The following DYNC2H1 variants were observed in gnomAD, a reference collection of about 807,000 sequenced individuals.
DYNC2H1 encodes the protein dynein cytoplasmic 2 heavy chain 1, also known as cytoplasmic dynein 2 heavy chain 1.
DYNC2H1 carries 410 observed loss-of-function variants against 570.0 expected under a neutral mutation model. The ratio of observed to expected loss-of-function variants is 0.72; its 90% CI spans 0.66 to 0.78. The LOEUF is 0.78. Among genes scored for constraint, DYNC2H1 ranks in the 30% least tolerant of loss-of-function variants. The pLI is 0.00. For missense variants in DYNC2H1, 4,865 were observed against 5,046.4 expected, an observed-to-expected ratio of 0.96 and a Z score of 1.09; for synonymous variants, 1,688 against 1,677.6, an observed-to-expected ratio of 1.01 and a Z score of -0.15.
intron 82 of DYNC2H1, among the ~76,000 whole-genome samples, chr11:103,331,560 T>C (rs768128044): frequency 5.3e-5 from 8 of 152,176 alleles, no homozygotes; most frequent in Non-Finnish European, 1.2e-4. Flanking sequence ...AAGAAAGTTA[T>C]ATGCATTTGT....
chr11:103,193,143 C>T (rs1325135442), intron 47 of DYNC2H1, among the ~76,000 whole-genome samples: 1 of 152,070 alleles, frequency 6.6e-6, no homozygotes, highest in Non-Finnish European at 1.5e-5. Flanking sequence ...TCTAGGTGCT[C>T]CTGAGTTTTT....
rs773012416 is a variant in DYNC2H1, at chr11:103,116,701, C to G, written c.753C>G (p.Leu251=). ...ATCCTGAGTCACGAATGTTGCATCT[C>G]TTAGACATCATAGGTACTAGTAAAA... is the stretch of plus-strand genomic sequence containing the variant. ...DHYPESRMLH[L]LDIIGGSFGR... The change falls in exon 5 of 89, where the codon CTC becomes CTG. Residue 251 remains leucine, a synonymous_variant. Transcript: ENST00000375735. 3 of 1,596,598 alleles carry G rather than the reference C, an allele frequency of 1.9e-6. No homozygotes were observed. The highest frequency in any genetic ancestry group is 2.6e-6 in the Non-Finnish European group (3 of 1,171,898).
At position 103,113,522 on chromosome 11, in the gene DYNC2H1, C is replaced by A; in HGVS notation, c.196-15C>A. 1.3e-6 allele frequency: 2 copies of A among 1,488,286 alleles called. No homozygotes were observed. The highest frequency in any genetic ancestry group is 3.1e-5 in the South Asian group (2 of 65,452). 92.2% of individuals were successfully genotyped at this position (1,488,286 alleles called of 1,614,324 possible). A position where few individuals can be genotyped will look rare whatever the true frequency, so the allele number is the denominator to read the frequency against. ...ATTTTATGAAGATAACATTAAAAAT[C>A]ATTTATCACTTTAGATTGAGTTTGG... On this transcript the variant is annotated splice_polypyrimidine_tract_variant and intron_variant, in intron 1 of 88. Coordinates refer to ENST00000375735, the MANE Select transcript of DYNC2H1 (RefSeq NM_001377.3).
Position 103,132,828 on chromosome 11 carries a change from T to A in DYNC2H1, c.1954-727T>A, listed in dbSNP as rs1217626670. Among the ~76,000 whole-genome samples, 32 of 152,096 alleles carry A rather than the reference T, an allele frequency of 2.1e-4. No homozygotes were observed. In the East Asian group the frequency reaches 5.4e-3, roughly 26 times the overall value. Reference sequence around the variant, plus strand: ...ACCAACTTGGAGGCACCTTGTTGCCTCCAAGCTGGGGTGTAAGCTCAGCTT... The same window carrying A: ...ACCAACTTGGAGGCACCTTGTTGCCACCAAGCTGGGGTGTAAGCTCAGCTT... On this transcript the variant is annotated intron_variant, in intron 13 of 88. Transcript: ENST00000375735.
At chr11:103,341,797 T>C (rs1939453468) in intron 82 of DYNC2H1, among the ~76,000 whole-genome samples, 1 of 152,220 alleles carries the variant, frequency 6.6e-6, no homozygotes, top group Non-Finnish European at 1.5e-5. Context: ...TTAGAAATAA[T>C]TGATTCCAAA....
chr11:103,302,461 T>C (rs1343996077), intron 75 of DYNC2H1, among the ~76,000 whole-genome samples: 1 of 152,108 alleles, frequency 6.6e-6, no homozygotes, highest in Non-Finnish European at 1.5e-5. Context: ...CAGTGCATTT[T>C]AATGATTTGC....
Position 103,260,584 on chromosome 11 carries a change from A to G in DYNC2H1, c.10695+607A>G, listed in dbSNP as rs1006281561. ...TCGGACAATATTTTAGAAATTTTAGATATTAGAAAACGCAGAGGCCTTTTT... is the reference window on the plus strand; with the variant it reads ...TCGGACAATATTTTAGAAATTTTAGGTATTAGAAAACGCAGAGGCCTTTTT... On this transcript the variant is annotated intron_variant, in intron 70 of 88. Coordinates refer to ENST00000375735, the MANE Select transcript of DYNC2H1 (RefSeq NM_001377.3). Among the ~76,000 whole-genome samples the G allele has an allele frequency of 2.0e-5, 3 of 151,872 alleles. No individual in the cohort carries two copies. In the South Asian group the frequency reaches 6.2e-4, roughly 31 times the overall value.
chr11:103,156,642 A>G lies in DYNC2H1; in HGVS notation c.3999A>G (p.Ala1333=). 1 of 1,613,600 alleles carries G rather than the reference A, an allele frequency of 6.2e-7. No individual in the cohort carries two copies. The highest frequency in any genetic ancestry group is 8.5e-7 in the Non-Finnish European group (1 of 1,179,664). ...TATCAATTTGGGAAAGAAAACTTGC[A>G]GAGTTAGATGAATACCTGCAGAATT... The part of the protein sequence containing the change: ...DKVSIWERKL[A]ELDEYLQNLN... Residue 1333 remains alanine (A), a synonymous_variant, in exon 26 of 89, where the codon GCA becomes GCG. Coordinates refer to ENST00000375735, the MANE Select transcript of DYNC2H1 (RefSeq NM_001377.3).
In DYNC2H1 at chr11:103,152,257, A is replaced by G; in HGVS notation, c.3068A>G (p.Glu1023Gly). 1 of 1,606,054 alleles carries G rather than the reference A, an allele frequency of 6.2e-7. No individual in the cohort carries two copies. Among genetic ancestry groups the G allele is most frequent in the Non-Finnish European group, 8.5e-7 (1 of 1,177,456 alleles). Residue 1023 changes from glutamate to glycine, a missense_variant, in exon 21 of 89, where the codon GAA becomes GGA. Physicochemically the swap from Glu to Gly is moderately conservative, Grantham distance 98. Coordinates refer to ENST00000375735, the MANE Select transcript of DYNC2H1 (RefSeq NM_001377.3). ...AKWDKFELMM[E>G]SHQLMIKDQI... ...TGGGATAAATTTGAGTTAATGATGG[A>G]AAGTCACCAACTTATGATTAAAGAC...
chr11:103,161,104 T>C (rs1486548574), intron 29 of DYNC2H1, 60 bp downstream of exon 29: 1 of 967,014 alleles, frequency 1.0e-6, no homozygotes, highest in East Asian at 3.1e-5. Context: ...GAACTTTGTG[T>C]CTAAAATAAT....
At position 103,186,742 on chromosome 11, in the gene DYNC2H1, T is replaced by C. The variant is rs1395267459; in HGVS notation, c.6893+241T>C. ...TCTGAGAAGATACTCTTAAAAATTA[T>C]CCGTCCATATAATACAGCAAAAAAA... On this transcript the variant is annotated intron_variant, in intron 42 of 88. Transcript: ENST00000375735. The surrounding 1 kb of genome is among the most constrained non-coding windows in gnomAD (Gnocchi z 4.5). 6.8e-6 allele frequency among the ~76,000 whole-genome samples: 1 copy of C among 146,394 alleles called. No homozygotes were observed. The highest frequency in any genetic ancestry group is 1.5e-5 in the Non-Finnish European group (1 of 66,780).
chr11:103,286,838 A>T (rs1866369580), intron 74 of DYNC2H1, among the ~76,000 whole-genome samples: 1 of 152,182 alleles, frequency 6.6e-6, no homozygotes, highest in South Asian at 2.1e-4. Flanking sequence ...AGAGCTCTTC[A>T]GAAGTTGATG....
intron 87 of DYNC2H1, chr11:103,468,346 T>G: frequency 3.4e-6 from 1 of 296,962 alleles, no homozygotes. Flanking sequence ...GTATAACAGA[T>G]GAGATTTATA....
At chr11:103,230,628 A>G (rs1211399238) in intron 59 of DYNC2H1, among the ~76,000 whole-genome samples, 2 of 152,196 alleles carry the variant, frequency 1.3e-5, no homozygotes, top group Non-Finnish European at 2.9e-5. Context: ...CTTCATAAGT[A>G]TCTGTACATT....
chr11:103,317,211 A>G (rs1358759301), intron 80 of DYNC2H1, among the ~76,000 whole-genome samples: 1 of 152,018 alleles, frequency 6.6e-6, no homozygotes, highest in Non-Finnish European at 1.5e-5. Flanking sequence ...ACTTAAAAAT[A>G]TCACAAACAA....
intron 84 of DYNC2H1, among the ~76,000 whole-genome samples, chr11:103,412,033 T>TCTGACTTTCACTAAG (rs1943108678): frequency 6.6e-6 from 1 of 152,180 alleles, no homozygotes; most frequent in Non-Finnish European, 1.5e-5. Context: ...ATGAGACTAG[T>TCTGACTTTCACTAAG]CTGACTTTCA....
rs572391650 is a variant in DYNC2H1 at position 103,479,436 on chromosome 11, A to G, written c.*183A>G. 1.8e-5 allele frequency: 9 copies of G among 511,762 alleles called. No homozygotes were observed. Among genetic ancestry groups the G allele is most frequent in the Non-Finnish European group, 2.8e-5 (9 of 321,564 alleles). The allele number at this position is 511,762 out of a possible 1,614,324, so 31.7% of individuals were successfully genotyped here. On this transcript the variant is annotated 3_prime_UTR_variant, in exon 89 of 89. Transcript: ENST00000375735. ...CACTGTGCATCTTTTAAAGTAATAA[A>G]TTAATGGAGTTATTGTTAAAACAGA...
In DYNC2H1 at chr11:103,113,793, A is replaced by G. The variant is rs536504758; in HGVS notation, c.366+86A>G. 46 of 1,048,104 alleles carry G rather than the reference A, an allele frequency of 4.4e-5. No homozygotes were observed. In the East Asian group the frequency reaches 1.3e-3, roughly 30 times the overall value. The allele number at this position is 1,048,104 out of a possible 1,614,324, so 64.9% of individuals were successfully genotyped here. A position where few individuals can be genotyped will look rare whatever the true frequency, so the allele number is the denominator to read the frequency against. On this transcript the variant is annotated intron_variant, in intron 2 of 88. Coordinates refer to ENST00000375735, the MANE Select transcript of DYNC2H1 (RefSeq NM_001377.3). Reference sequence around the variant, plus strand: ...ACATAAATATCTATTTTTTACTGTTAATGTTAGTAGTGTTTTAATTTTAAT... The same window carrying G: ...ACATAAATATCTATTTTTTACTGTTGATGTTAGTAGTGTTTTAATTTTAAT...
intron 75 of DYNC2H1, among the ~76,000 whole-genome samples, chr11:103,295,857 A>G (rs1007849779): frequency 2.0e-5 from 3 of 152,182 alleles, no homozygotes; most frequent in Non-Finnish European, 4.4e-5. Context: ...GTCAAGAGCT[A>G]TCTTTGTTCC....
Sources: gnomAD v4.1 joint callset for allele counts (sites outside exome capture counted in the v4.1 genomes callset) on GRCh38, gnomAD v4.1.1 for gene constraint, Gnocchi (gnomAD v3.1) non-coding constraint, MANE v1.5 for transcripts, NCBI Gene and HGNC (gene_info 2026-07-23, HGNC 2026-07-21) for gene names.